The following PEAK1 variants were observed in gnomAD, a reference collection of about 807,000 sequenced individuals.
PEAK1 encodes the protein pseudopodium enriched atypical kinase 1.
A neutral mutation model predicts 124.7 loss-of-function variants in PEAK1; 54 were observed. The ratio of observed to expected loss-of-function variants is 0.43; its 90% CI spans 0.35 to 0.54. The LOEUF (loss-of-function observed/expected upper bound fraction) is 0.54. Among genes scored for constraint, PEAK1 ranks in the 20% least tolerant of loss-of-function variants. The pLI, the probability that PEAK1 is intolerant of heterozygous loss-of-function variation, is 0.01. For synonymous variants in PEAK1, 719 were observed against 760.0 expected (o/e 0.95, Z 0.89); for missense variants, 2,046 against 2,134.5 (o/e 0.96, Z 0.82).
At chr15:77,334,195 C>A in intron 2 of PEAK1, 2 of 980,532 alleles carry the variant, frequency 2.0e-6, no homozygotes, top group Non-Finnish European at 2.4e-6. Context: ...AAAGTACTGA[C>A]TTCAGTACAT....
chr15:77,307,280 G>T (rs1287686512), intron 2 of PEAK1, among the ~76,000 whole-genome samples: 1 of 151,796 alleles, frequency 6.6e-6, no homozygotes, highest in Non-Finnish European at 1.5e-5. Flanking sequence ...GAGGGGACTG[G>T]ACACAATGTT....
At chr15:77,135,829 G>A (rs1043702386) in intron 8 of PEAK1, among the ~76,000 whole-genome samples, 1 of 152,194 alleles carries the variant, frequency 6.6e-6, no homozygotes, top group Admixed American at 6.5e-5. Flanking sequence ...CCCCAGCCAT[G>A]TGGAACTGTT....
At chr15:77,320,012 C>T (rs906300131) in intron 2 of PEAK1, among the ~76,000 whole-genome samples, 1 of 152,094 alleles carries the variant, frequency 6.6e-6, no homozygotes, top group Non-Finnish European at 1.5e-5. Flanking sequence ...TATTCTTGTG[C>T]TTTAAAATTT....
chr15:77,333,932 C>A (rs989054266), intron 2 of PEAK1: 11 of 392,432 alleles, frequency 2.8e-5, no homozygotes, highest in African/African-American at 2.4e-4. Flanking sequence ...CCTATTTCAT[C>A]CCACTTCTGA....
At chr15:77,352,795 A>G in intron 2 of PEAK1, 1 of 983,998 alleles carries the variant, frequency 1.0e-6, no homozygotes, top group Non-Finnish European at 1.2e-6. Context: ...CTTCTCAGAA[A>G]GTCAAAGCAA....
intron 1 of PEAK1, chr15:77,371,545 A>G (rs1458644025): frequency 1.2e-6 from 1 of 806,526 alleles, no homozygotes; most frequent in African/African-American, 1.9e-5. Context: ...CACCATCATC[A>G]TCATGACATT....
At chr15:77,308,812 T>C (rs1401333830) in intron 2 of PEAK1, among the ~76,000 whole-genome samples, 1 of 152,036 alleles carries the variant, frequency 6.6e-6, no homozygotes. Flanking sequence ...CAACAAATGT[T>C]ACAATGAGGG....
downstream of PEAK1, chr15:77,107,958 A>C (rs917966604): frequency 1.3e-5 from 2 of 152,254 alleles, no homozygotes; most frequent in Non-Finnish European, 2.9e-5. Context: ...CAGATTAGAC[A>C]GGGAATAAAG....
chr15:77,228,619 T>C (rs1434788344), intron 6 of PEAK1, among the ~76,000 whole-genome samples: 1 of 152,086 alleles, frequency 6.6e-6, no homozygotes, highest in Non-Finnish European at 1.5e-5. Context: ...CCTGAGAGGA[T>C]GGGTAGGTCC....
intron 1 of PEAK1, among the ~76,000 whole-genome samples, chr15:77,383,019 C>CTTTTTTTTT (rs752564656): frequency 7.7e-6 from 1 of 130,394 alleles, no homozygotes; most frequent in African/African-American, 2.9e-5. Flanking sequence ...TTTGTATCTC[C>CTTTTTTTTT]TTTTTTTTTT....
chr15:77,296,590 G>A (rs1042736255), intron 2 of PEAK1, among the ~76,000 whole-genome samples: 1 of 151,206 alleles, frequency 6.6e-6, no homozygotes, highest in African/African-American at 2.5e-5. Context: ...TTCCAGCCTG[G>A]GCGACAGAGT....
intron 7 of PEAK1, among the ~76,000 whole-genome samples, chr15:77,176,657 G>C (rs1220129434): frequency 6.6e-6 from 1 of 152,194 alleles, no homozygotes; most frequent in Non-Finnish European, 1.5e-5. Flanking sequence ...TGGAAGACCT[G>C]ACTGGCCTAT....
intron 2 of PEAK1, among the ~76,000 whole-genome samples, chr15:77,293,973 G>A (rs2063356791): frequency 6.6e-6 from 1 of 152,146 alleles, no homozygotes; most frequent in Non-Finnish European, 1.5e-5. Flanking sequence ...TGCTAAGTGT[G>A]TTGATTTGTT....
At position 77,319,253 on chromosome 15, in the gene PEAK1, T is replaced by TAA. The variant is rs201595105; in HGVS notation, c.-602-32751_-602-32750dup. 2.9e-5 allele frequency among the ~76,000 whole-genome samples: 4 copies of TAA among 139,868 alleles called. No individual in the cohort carries two copies. The East Asian group carries it at 8.1e-4, about 28-fold the overall frequency. 91.8% of individuals were successfully genotyped at this position (139,868 alleles called of 152,430 possible). The stretch of plus-strand genomic sequence containing the variant: ...GAAATAATTTGCCCCAAATGTAGTT[T>TAA]AAAAAAAAAAAAAAGCGTGCCCTAG... On this transcript the variant is annotated intron_variant, in intron 2 of 9. Coordinates refer to ENST00000682557, the MANE Select transcript of PEAK1 (RefSeq NM_001385026.1).
At chr15:77,404,683 A>T in intron 1 of PEAK1, 1 of 952,876 alleles carries the variant, frequency 1.0e-6, no homozygotes, top group Non-Finnish European at 1.2e-6. Context: ...AGTCTGCTGT[A>T]CTAATATATT....
At chr15:77,368,785 T>C (rs1212097909) in intron 1 of PEAK1, among the ~76,000 whole-genome samples, 1 of 152,146 alleles carries the variant, frequency 6.6e-6, no homozygotes, top group African/African-American at 2.4e-5. Flanking sequence ...TTCAAGATAC[T>C]GGGGACAAGG....
chr15:77,330,629 C>T (rs2065836578), intron 2 of PEAK1, among the ~76,000 whole-genome samples: 1 of 152,182 alleles, frequency 6.6e-6, no homozygotes, highest in African/African-American at 2.4e-5. Context: ...GTTCCCTCCA[C>T]AAGGAATACT....
At chr15:77,324,973 C>A (rs532039300) in intron 2 of PEAK1, among the ~76,000 whole-genome samples, 1 of 152,262 alleles carries the variant, frequency 6.6e-6, no homozygotes, top group African/African-American at 2.4e-5. Context: ...AAAAACTAGA[C>A]ATATTTGTCT....
Position 77,179,685 on chromosome 15 carries a change from T to C in PEAK1, c.2242A>G (p.Thr748Ala), listed in dbSNP as rs1330369060. ...TQEPVAKIEG[T>A]QESQMVGSSS... ...CTGCCCACCATCTGAGACTCCTGAGTGCCTTCTATTTTGGCCACAGGCTCT... is the reference window on the plus strand; with the variant it reads ...CTGCCCACCATCTGAGACTCCTGAGCGCCTTCTATTTTGGCCACAGGCTCT... The change falls in exon 7 of 10, where the codon ACT becomes GCT. Residue 748 changes from threonine (T) to alanine (A), a missense_variant. By Grantham distance (58) the Thr-to-Ala change is moderately conservative. Coordinates refer to ENST00000682557, the MANE Select transcript of PEAK1 (RefSeq NM_001385026.1). 6.2e-7 allele frequency: 1 copy of C among 1,614,030 alleles called. No homozygotes were observed. Among genetic ancestry groups the C allele is most frequent in the Non-Finnish European group, 8.5e-7 (1 of 1,179,978 alleles).
Sources: gnomAD v4.1 joint callset for allele counts (sites outside exome capture counted in the v4.1 genomes callset) on GRCh38, gnomAD v4.1.1 for gene constraint, MANE v1.5 for transcripts, NCBI Gene and HGNC (gene_info 2026-07-23, HGNC 2026-07-21) for gene names.